Variants in THSD7B observed in about 807,000 individuals in gnomAD.
THSD7B encodes the protein thrombospondin type 1 domain containing 7B.
Under a neutral mutation model 213.6 loss-of-function variants are expected in THSD7B, and 138 were observed. The ratio of observed to expected loss-of-function variants is 0.65; its 90% confidence interval spans 0.56 to 0.74. The LOEUF (loss-of-function observed/expected upper bound fraction) is 0.74, where lower values mean the gene tolerates loss of function less well. THSD7B is among the 30% of genes least tolerant of loss of function. The pLI is 0.00. For synonymous variants in THSD7B, 742 were observed against 687.0 expected (o/e 1.08, Z -1.25); for missense variants, 1,931 against 1,991.5 (o/e 0.97, Z 0.58).
At chr2:137,096,283 A>T (rs1354306843) in intron 4 of THSD7B, among the ~76,000 whole-genome samples, 2 of 152,320 alleles carry the variant, frequency 1.3e-5, no homozygotes, top group Admixed American at 1.3e-4. Flanking sequence ...TAAGAAAAAA[A>T]TAGTTTTCTG....
In THSD7B at chr2:137,171,037, C is replaced by T. The variant is rs1232569762; in HGVS notation, c.1723+99C>T. On this transcript the variant is annotated intron_variant, in intron 7 of 27. Coordinates refer to ENST00000409968, the MANE Select transcript of THSD7B (RefSeq NM_001316349.2). ...AGATCATTCTCATGAGGAAGAGAAGCACAGCCTTTCTTATCCTTGAATATT... is the reference window on the plus strand; with the variant it reads ...AGATCATTCTCATGAGGAAGAGAAGTACAGCCTTTCTTATCCTTGAATATT... The T allele has an allele frequency of 8.7e-6, 11 of 1,258,348 alleles. No homozygotes were observed. In the East Asian group the frequency reaches 2.8e-4, roughly 32 times the overall value. 77.9% of individuals were successfully genotyped at this position (1,258,348 alleles called of 1,614,324 possible). A position where few individuals can be genotyped will look rare whatever the true frequency, so the allele number is the denominator to read the frequency against.
rs1225620016 is a variant in THSD7B at position 137,056,974 on chromosome 2, T to G, written c.694T>G (p.Cys232Gly). 2.5e-6 allele frequency: 4 copies of G among 1,613,950 alleles called. No individual in the cohort carries two copies. The highest frequency in any genetic ancestry group is 3.4e-6 in the Non-Finnish European group (4 of 1,179,876). Residue 232 changes from cysteine (C) to glycine (G), a missense_variant, in exon 3 of 28, where the codon TGT (cysteine) becomes GGT (glycine). Physicochemically the swap from Cys to Gly is radical, Grantham distance 159. Transcript: ENST00000409968. Reference protein sequence around the residue: ...ESRACDAPISCPLGEEEYTFS... With the variant: ...ESRACDAPISGPLGEEEYTFS... ...AAGAGCCTGTGATGCTCCCATTTCC[T>G]GTCCTCTTGGGGAAGAGGAATATAC... is the stretch of plus-strand genomic sequence containing the variant.
rs4954462 is a variant in THSD7B, at chr2:137,084,136, A to G, written c.951-10737A>G. On this transcript the variant is annotated intron_variant, in intron 3 of 27. Transcript: ENST00000409968. The stretch of plus-strand genomic sequence containing the variant: ...TCTCTAGGAATATGTTTATTTATAA[A>G]TTGGATTATTACATGGTTGTAGCAA... 0.023 allele frequency among the ~76,000 whole-genome samples: 3,452 copies of G among 152,206 alleles called. 250 individuals are homozygous for G. The East Asian group carries it at 0.26, about 11-fold the overall frequency.
At chr2:137,339,729 A>AGGAAAGATCAGTCCTGT in intron 12 of THSD7B, among the ~76,000 whole-genome samples, 2 of 151,946 alleles carry the variant, frequency 1.3e-5, no homozygotes, top group Non-Finnish European at 1.5e-5. Context: ...GGGGACAGAC[A>AGGAAAGATCAGTCCTGT]GGGAAAGGGC....
rs1178969237 is a variant in THSD7B at position 137,618,382 on chromosome 2, A to G, written c.3566-10A>G. On this transcript the variant is annotated splice_polypyrimidine_tract_variant and intron_variant, in intron 18 of 27. Coordinates refer to ENST00000409968, the MANE Select transcript of THSD7B (RefSeq NM_001316349.2). Reference sequence around the variant, plus strand: ...TTTGAAACTCAGTGTGGGTGATCCTATGCCTGTAGAGTGGAGCACATGCCA... The same window carrying G: ...TTTGAAACTCAGTGTGGGTGATCCTGTGCCTGTAGAGTGGAGCACATGCCA... The G allele has an allele frequency of 2.5e-6, 4 of 1,612,606 alleles. No individual in the cohort carries two copies. Among genetic ancestry groups the G allele is most frequent in the East Asian group, 2.2e-5 (1 of 44,880 alleles).
At chr2:136,874,056 A>G (rs1392395423) in intron 1 of THSD7B, among the ~76,000 whole-genome samples, 1 of 152,222 alleles carries the variant, frequency 6.6e-6, no homozygotes, top group Non-Finnish European at 1.5e-5. Context: ...ATTATTTGAT[A>G]TAAATTGGCT....
chr2:137,585,163 T>G (rs149402194), intron 17 of THSD7B, among the ~76,000 whole-genome samples: 28 of 152,296 alleles, frequency 1.8e-4, no homozygotes, highest in African/African-American at 6.5e-4. Context: ...TAGTTTGTAT[T>G]TCTGTGGGAT....
intron 7 of THSD7B, among the ~76,000 whole-genome samples, chr2:137,173,445 A>T (rs1176978355): frequency 1.3e-5 from 2 of 152,148 alleles, no homozygotes; most frequent in Non-Finnish European, 2.9e-5. Context: ...CTTCTTTCAT[A>T]ATTTATGCTG....
chr2:137,231,020 C>G lies in THSD7B; in HGVS notation c.1724-24C>G, dbSNP rs745379976. The G allele has an allele frequency of 7.5e-6, 12 of 1,604,110 alleles. No homozygotes were observed. In the South Asian group the frequency reaches 7.8e-5, roughly 10 times the overall value. ...GGCTTGATTGTGCATTAATCACCAA[C>G]TGTCTTGATCTTGTTGATTGTAGGA... On this transcript the variant is annotated intron_variant, in intron 7 of 27. Coordinates refer to ENST00000409968, the MANE Select transcript of THSD7B (RefSeq NM_001316349.2).
chr2:137,061,196 T>A (rs1687263603), intron 3 of THSD7B, among the ~76,000 whole-genome samples: 1 of 151,842 alleles, frequency 6.6e-6, no homozygotes, highest in South Asian at 2.1e-4. Context: ...TAACCTTGCA[T>A]CCTGCAACTT....
At chr2:137,242,943 A>G (rs979245291) in intron 10 of THSD7B, among the ~76,000 whole-genome samples, 4 of 152,146 alleles carry the variant, frequency 2.6e-5, no homozygotes, top group African/African-American at 9.7e-5. Flanking sequence ...AGGTATCCTC[A>G]TTAGAATATA....
chr2:137,273,824 T>G (rs544262795), intron 11 of THSD7B, among the ~76,000 whole-genome samples: 6 of 152,078 alleles, frequency 3.9e-5, no homozygotes, highest in Non-Finnish European at 8.8e-5. Context: ...TTCATCCTTT[T>G]GTACAATGTC....
At chr2:137,321,606 G>A (rs563391991) in intron 12 of THSD7B, among the ~76,000 whole-genome samples, 85 of 152,240 alleles carry the variant, frequency 5.6e-4, no homozygotes, top group African/African-American at 2.0e-3. Flanking sequence ...ACCAATCATA[G>A]GCACTTTAGG....
chr2:137,334,166 CTCTT>C (rs1252819306), intron 12 of THSD7B, among the ~76,000 whole-genome samples: 6 of 57,006 alleles, frequency 1.1e-4, no homozygotes, highest in Admixed American at 3.8e-4. Flanking sequence ...CTTTCTTTCT[CTCTT>C]TCTCTCTCTC....
chr2:136,850,218 C>G (rs1683077344), intron 1 of THSD7B, among the ~76,000 whole-genome samples: 2 of 152,080 alleles, frequency 1.3e-5, no homozygotes, highest in South Asian at 4.2e-4. Flanking sequence ...GTTAGTTTAT[C>G]AATTTTTACA....
chr2:136,769,788 C>T (rs16855703), intron 1 of THSD7B, among the ~76,000 whole-genome samples: 4,483 of 152,270 alleles, frequency 0.029, 206 homozygotes, highest in African/African-American at 0.099. Context: ...AAAGGTTAGA[C>T]ATTGACCTAG....
chr2:137,314,352 C>A (rs1684022238), intron 12 of THSD7B, among the ~76,000 whole-genome samples: 1 of 152,202 alleles, frequency 6.6e-6, no homozygotes, highest in South Asian at 2.1e-4. Context: ...TGGTTTTCAG[C>A]TCCGTCAGCT....
chr2:137,262,339 G>T (rs1026641642), intron 10 of THSD7B, among the ~76,000 whole-genome samples: 1 of 151,870 alleles, frequency 6.6e-6, no homozygotes, highest in Non-Finnish European at 1.5e-5. Flanking sequence ...ATGCAGAATG[G>T]TGTTTCAGTG....
chr2:137,410,362 C>G (rs1686625571), intron 13 of THSD7B, among the ~76,000 whole-genome samples: 1 of 152,006 alleles, frequency 6.6e-6, no homozygotes, highest in Non-Finnish European at 1.5e-5. Flanking sequence ...TCCACCTCCT[C>G]AGTTCAAGTG....
Sources: gnomAD v4.1 joint callset for allele counts (sites outside exome capture counted in the v4.1 genomes callset) on GRCh38, gnomAD v4.1.1 for gene constraint, MANE v1.5 for transcripts, NCBI Gene and HGNC (gene_info 2026-07-23, HGNC 2026-07-21) for gene names.